Variants in DAGLA observed in about 807,000 individuals in gnomAD.
The protein encoded by DAGLA is diacylglycerol lipase-alpha.
Under a neutral mutation model 102.6 loss-of-function variants are expected in DAGLA, and 22 were observed. The ratio of observed to expected loss-of-function variants is 0.21; its 90% confidence interval spans 0.15 to 0.31. The LOEUF is 0.31. Ranked by LOEUF, DAGLA falls within the 10% of genes least tolerant of loss-of-function variation. DAGLA has a pLI of 1.00. For synonymous variants in DAGLA, 578 were observed against 628.9 expected, an observed-to-expected ratio of 0.92 and a Z score of 1.21; for missense variants, 927 against 1,446.6, an observed-to-expected ratio of 0.64 and a Z score of 5.83.
At position 61,739,621 on chromosome 11, in the gene DAGLA, A is replaced by G; in HGVS notation, c.1813A>G (p.Ile605Val). ...ASTPLYPPGRIIHVVHNHPAE... is the reference protein window; with the variant it reads ...ASTPLYPPGRVIHVVHNHPAE... ...CACTCCACTCTACCCGCCCGGCCGC[A>G]TCATCCACGTGGTCCACAACCACCC... is the stretch of plus-strand genomic sequence containing the variant. Residue 605 changes from isoleucine to valine, a missense_variant, in exon 17 of 20, where the codon ATC becomes GTC. Physicochemically the swap from Ile to Val is conservative, Grantham distance 29. Coordinates refer to ENST00000257215, the MANE Select transcript of DAGLA (RefSeq NM_006133.3). The G allele has an allele frequency of 6.2e-7, 1 of 1,614,112 alleles. No homozygotes were observed. Among genetic ancestry groups the G allele is most frequent in the East Asian group, 2.2e-5 (1 of 44,884 alleles).
chr11:61,689,980 C>T (rs2065011487), intron 1 of DAGLA, among the ~76,000 whole-genome samples: 1 of 152,142 alleles, frequency 6.6e-6, no homozygotes, highest in African/African-American at 2.4e-5. Flanking sequence ...CACAGAATTC[C>T]ATGCCATCCT....
chr11:61,735,054 C>T (rs2065412115), intron 10 of DAGLA, 52 bp downstream of exon 10: 2 of 1,592,830 alleles, frequency 1.3e-6, no homozygotes, highest in African/African-American at 2.7e-5. Context: ...AGCTGAGGGC[C>T]TAGGGTGCTG....
chr11:61,712,625 CAGG>C (rs1331603003), intron 1 of DAGLA, among the ~76,000 whole-genome samples: 2 of 152,192 alleles, frequency 1.3e-5, no homozygotes, highest in African/African-American at 4.8e-5. Flanking sequence ...CGACAGCTTT[CAGG>C]CCCCTAACTT....
intron 1 of DAGLA, among the ~76,000 whole-genome samples, chr11:61,712,238 C>T (rs371673141): frequency 6.6e-6 from 1 of 152,316 alleles, no homozygotes; most frequent in African/African-American, 2.4e-5. Flanking sequence ...TGGACACTCA[C>T]TTGCTAGCTT....
rs1413514386 is a variant in DAGLA, at chr11:61,743,340, G to A, written c.2172-192G>A. Among the ~76,000 whole-genome samples the A allele has an allele frequency of 2.0e-5, 3 of 149,630 alleles. No individual in the cohort carries two copies. In the East Asian group the frequency reaches 5.9e-4, roughly 29 times the overall value. On this transcript the variant is annotated intron_variant, in intron 19 of 19. Coordinates refer to ENST00000257215, the MANE Select transcript of DAGLA (RefSeq NM_006133.3). ...ATCGTGCCACTGCACTCCAGCCTGG[G>A]CGACAGAGCGAGACTCTGTCTCAAA...
intron 1 of DAGLA, among the ~76,000 whole-genome samples, chr11:61,696,483 A>G (rs1230264082): frequency 6.6e-6 from 1 of 151,952 alleles, no homozygotes; most frequent in Admixed American, 6.6e-5. Flanking sequence ...CAGGGGCCAC[A>G]TGCCTCCCCT....
At chr11:61,720,064 G>A in intron 1 of DAGLA, 48 bp from the exon 2 acceptor site, 3 of 1,322,782 alleles carry the variant, frequency 2.3e-6, no homozygotes, top group Non-Finnish European at 3.2e-6. Flanking sequence ...GTGGCCCTGG[G>A]TGCCTTCACC....
At chr11:61,726,697 G>C (rs2065330089) in intron 6 of DAGLA, among the ~76,000 whole-genome samples, 1 of 152,256 alleles carries the variant, frequency 6.6e-6, no homozygotes, top group Non-Finnish European at 1.5e-5. Context: ...GAGGCCCAGA[G>C]AGGTGGAGTG....
intron 1 of DAGLA, among the ~76,000 whole-genome samples, chr11:61,690,432 A>G (rs1007749266): frequency 2.0e-5 from 3 of 152,138 alleles, no homozygotes; most frequent in Non-Finnish European, 4.4e-5. Context: ...CTACCACTCT[A>G]CCAGCAGCCA....
intron 1 of DAGLA, among the ~76,000 whole-genome samples, chr11:61,705,601 A>T (rs1240515357): frequency 6.6e-6 from 1 of 151,952 alleles, no homozygotes; most frequent in Non-Finnish European, 1.5e-5. Context: ...GTGTCAGAGG[A>T]TTTTTCTTTG....
At chr11:61,703,943 A>G (rs1191287116) in intron 1 of DAGLA, among the ~76,000 whole-genome samples, 2 of 152,220 alleles carry the variant, frequency 1.3e-5, no homozygotes, top group African/African-American at 4.8e-5. Context: ...ATGAAGAGCT[A>G]TGATTGGACA....
intron 1 of DAGLA, among the ~76,000 whole-genome samples, chr11:61,711,845 G>A (rs555886583): frequency 6.6e-6 from 1 of 152,354 alleles, no homozygotes; most frequent in African/African-American, 2.4e-5. Flanking sequence ...CCGCTGAAGA[G>A]CTGAGTGGCC....
intron 1 of DAGLA, among the ~76,000 whole-genome samples, chr11:61,693,590 G>A (rs57367006): frequency 0.047 from 7,183 of 152,060 alleles, 581 homozygotes; most frequent in African/African-American, 0.16. Context: ...CTTGTGGTCC[G>A]CCTCCCTCGG....
At chr11:61,737,662 G>T in intron 14 of DAGLA, 25 bp from the exon 15 acceptor site, 1 of 1,611,660 alleles carries the variant, frequency 6.2e-7, no homozygotes, top group South Asian at 1.1e-5. Flanking sequence ...CTTGGCCTTA[G>T]CTTCTGCTTC....
intron 1 of DAGLA, among the ~76,000 whole-genome samples, chr11:61,702,766 C>G (rs532651403): frequency 2.0e-5 from 3 of 152,218 alleles, no homozygotes; most frequent in Admixed American, 2.0e-4. Flanking sequence ...GCAAGTCACA[C>G]GGCCCCAGAT....
intron 2 of DAGLA, 103 bp downstream of exon 2, chr11:61,720,353 C>G (rs2065271533): frequency 8.8e-7 from 1 of 1,136,176 alleles, no homozygotes; most frequent in Non-Finnish European, 1.3e-6. Context: ...CAAGTCCCAA[C>G]CCTGTCATGC....
At chr11:61,716,022 A>G (rs185993318) in intron 1 of DAGLA, among the ~76,000 whole-genome samples, 12 of 152,196 alleles carry the variant, frequency 7.9e-5, no homozygotes, top group Admixed American at 2.0e-4. Flanking sequence ...GAAGGGAGGG[A>G]CGTTTCCCCA....
At position 61,741,317 on chromosome 11, in the gene DAGLA, G is replaced by T. The variant is rs1433946320; in HGVS notation, c.2139G>T (p.Leu713=). ...TGCCCACTGGCCTTGCCCTGGAGCT[G>T]CCGACTGCAGACCACCGCAACAGCA... The part of the protein sequence containing the change: ...PPMPTGLALE[L]PTADHRNSSV... Residue 713 remains leucine (L), a synonymous_variant, in exon 19 of 20, where the codon CTG becomes CTT. Coordinates refer to ENST00000257215, the MANE Select transcript of DAGLA (RefSeq NM_006133.3). The T allele has an allele frequency of 6.2e-7, 1 of 1,610,202 alleles. No homozygotes were observed. Among genetic ancestry groups the T allele is most frequent in the South Asian group, 1.1e-5 (1 of 91,026 alleles).
intron 1 of DAGLA, among the ~76,000 whole-genome samples, chr11:61,707,890 G>A (rs1165466003): frequency 2.0e-5 from 3 of 152,214 alleles, no homozygotes; most frequent in African/African-American, 7.2e-5. Flanking sequence ...GGGTAGGGGT[G>A]TGGTTGGTGG....
Sources: gnomAD v4.1 joint callset for allele counts (sites outside exome capture counted in the v4.1 genomes callset) on GRCh38, gnomAD v4.1.1 for gene constraint, MANE v1.5 for transcripts, NCBI Gene and HGNC (gene_info 2026-07-23, HGNC 2026-07-21) for gene names.